The following UNC5D variants were observed in gnomAD, a reference collection of about 807,000 sequenced individuals.
The protein encoded by UNC5D is unc-5 netrin receptor D, also known as netrin receptor UNC5D.
A neutral mutation model predicts 105.4 loss-of-function variants in UNC5D; 39 were observed. That is an observed-to-expected ratio of 0.37 (90% confidence interval 0.29 to 0.48). The LOEUF (loss-of-function observed/expected upper bound fraction) is 0.48. Among genes scored for constraint, UNC5D ranks in the 20% least tolerant of loss-of-function variants. UNC5D has a pLI of 0.98. For missense variants in UNC5D, 991 were observed against 1,202.4 expected, an observed-to-expected ratio of 0.82 and a Z score of 2.60; for synonymous variants, 452 against 450.4, an observed-to-expected ratio of 1.00 and a Z score of -0.04.
chr8:35,408,178 GATCT>G (rs1353578527), intron 1 of UNC5D, among the ~76,000 whole-genome samples: 3 of 151,978 alleles, frequency 2.0e-5, no homozygotes, highest in Non-Finnish European at 4.4e-5. Context: ...AATGCAATAA[GATCT>G]ATTTTAAACA....
chr8:35,252,469 T>C (rs1178682658), intron 1 of UNC5D, among the ~76,000 whole-genome samples: 1 of 152,160 alleles, frequency 6.6e-6, no homozygotes, highest in Non-Finnish European at 1.5e-5. Context: ...CTCCTAAACA[T>C]AGGTTACTTT....
At chr8:35,641,366 C>CAAAAAAAAAAAAAAAAAAAGAAAAAA (rs1198851612) in intron 4 of UNC5D, among the ~76,000 whole-genome samples, 3 of 44,286 alleles carry the variant, frequency 6.8e-5, no homozygotes, top group Non-Finnish European at 1.3e-4. Context: ...AAAAATAAAG[C>CAAAAAAAAAAAAAAAAAAAGAAAAAA]AAAAAAAAAA....
At chr8:35,670,028 G>C (rs1054760021) in intron 4 of UNC5D, among the ~76,000 whole-genome samples, 2 of 152,120 alleles carry the variant, frequency 1.3e-5, no homozygotes, top group Non-Finnish European at 2.9e-5. Context: ...GCAGTAAGAC[G>C]TGGAACAGGG....
At chr8:35,348,840 T>C (rs1486549938) in intron 1 of UNC5D, among the ~76,000 whole-genome samples, 1 of 151,896 alleles carries the variant, frequency 6.6e-6, no homozygotes, top group Non-Finnish European at 1.5e-5. Flanking sequence ...CTTTAGAGTC[T>C]TAAAAATTAT....
intron 1 of UNC5D, among the ~76,000 whole-genome samples, chr8:35,337,833 T>G (rs1811163535): frequency 6.6e-6 from 1 of 152,232 alleles, no homozygotes; most frequent in Admixed American, 6.5e-5. Flanking sequence ...GTAATCATAT[T>G]TTTAGTTATT....
Position 35,271,688 on chromosome 8 carries a change from CATGTATA to C in UNC5D, c.103+35802_103+35808del, listed in dbSNP as rs1563268040. On this transcript the variant is annotated intron_variant, in intron 1 of 16. Coordinates refer to ENST00000404895, the MANE Select transcript of UNC5D (RefSeq NM_080872.4). ...ATACAGGTATACATATATATGTATACATGTATACATGTATACATATATATTTATACAT... is the reference window on the plus strand; with the variant it reads ...ATACAGGTATACATATATATGTATACCATGTATACATATATATTTATACAT... Among the ~76,000 whole-genome samples the C allele has an allele frequency of 6.3e-3, 59 of 9,388 alleles. 1 individual carries two copies. The highest frequency in any genetic ancestry group is 9.4e-3 in the African/African-American group (56 of 5,928). 6.2% of individuals were successfully genotyped at this position (9,388 alleles called of 152,430 possible).
intron 1 of UNC5D, among the ~76,000 whole-genome samples, chr8:35,449,583 G>A (rs376582850): frequency 2.6e-5 from 4 of 152,074 alleles, no homozygotes; most frequent in African/African-American, 4.8e-5. Context: ...GGTTCTTGCC[G>A]CCATGGAGCT....
intron 1 of UNC5D, among the ~76,000 whole-genome samples, chr8:35,308,283 A>C (rs12114466): frequency 0.021 from 3,262 of 152,082 alleles, 126 homozygotes; most frequent in African/African-American, 0.076. Context: ...GGTGTGACCA[A>C]ATTCTCATGG....
intron 2 of UNC5D, among the ~76,000 whole-genome samples, chr8:35,566,601 C>A (rs889055726): frequency 6.6e-6 from 1 of 152,214 alleles, no homozygotes; most frequent in African/African-American, 2.4e-5. Flanking sequence ...ACACCAGGCT[C>A]ACACACCAGA....
intron 1 of UNC5D, among the ~76,000 whole-genome samples, chr8:35,330,818 G>T (rs894734592): frequency 6.6e-6 from 1 of 152,120 alleles, no homozygotes. Flanking sequence ...TTTGGCTTTC[G>T]AGTGTATTCT....
intron 4 of UNC5D, among the ~76,000 whole-genome samples, chr8:35,639,296 G>C (rs1221766877): frequency 1.3e-5 from 2 of 152,182 alleles, no homozygotes; most frequent in Non-Finnish European, 2.9e-5. Flanking sequence ...CAGGTTGCCT[G>C]ATTTATTTGC....
intron 1 of UNC5D, among the ~76,000 whole-genome samples, chr8:35,449,244 G>A (rs751455798): frequency 2.0e-5 from 3 of 152,190 alleles, no homozygotes; most frequent in Non-Finnish European, 2.9e-5. Flanking sequence ...CTAGGTTGGT[G>A]CCTACTGAGT....
At chr8:35,307,224 G>A (rs1004547682) in intron 1 of UNC5D, among the ~76,000 whole-genome samples, 2 of 152,190 alleles carry the variant, frequency 1.3e-5, no homozygotes, top group Non-Finnish European at 2.9e-5. Flanking sequence ...ATGGGCCGCA[G>A]GTTGGACCAG....
At chr8:35,270,008 T>C (rs1430900065) in intron 1 of UNC5D, among the ~76,000 whole-genome samples, 3 of 152,180 alleles carry the variant, frequency 2.0e-5, no homozygotes. Context: ...TGGAGTAGGA[T>C]GGGAGAAGGT....
At chr8:35,760,718 C>G (rs1223604509) in intron 14 of UNC5D, among the ~76,000 whole-genome samples, 1 of 152,102 alleles carries the variant, frequency 6.6e-6, no homozygotes, top group Admixed American at 6.5e-5. Flanking sequence ...TTTGTTTTAC[C>G]CATCAGCATA....
chr8:35,246,231 A>AT (rs1361766864), intron 1 of UNC5D, among the ~76,000 whole-genome samples: 5 of 152,064 alleles, frequency 3.3e-5, no homozygotes, highest in South Asian at 4.2e-4. Flanking sequence ...TATTCACATT[A>AT]TTTTTTTATC....
intron 1 of UNC5D, among the ~76,000 whole-genome samples, chr8:35,425,193 AAAAG>A (rs1806162831): frequency 6.6e-6 from 1 of 152,238 alleles, no homozygotes; most frequent in African/African-American, 2.4e-5. Context: ...AATAAAAATA[AAAAG>A]AAAAAAGAAA....
intron 4 of UNC5D, among the ~76,000 whole-genome samples, chr8:35,600,240 G>T (rs1161257069): frequency 6.6e-6 from 1 of 152,094 alleles, no homozygotes; most frequent in Non-Finnish European, 1.5e-5. Flanking sequence ...CTTTGCTATT[G>T]TGAATAGTGC....
chr8:35,498,699 C>A (rs949225071), intron 1 of UNC5D, among the ~76,000 whole-genome samples: 1 of 152,032 alleles, frequency 6.6e-6, no homozygotes, highest in African/African-American at 2.4e-5. Context: ...GGCTGAATTT[C>A]GTCATCAGGC....
Sources: gnomAD v4.1 joint callset for allele counts (sites outside exome capture counted in the v4.1 genomes callset) on GRCh38, gnomAD v4.1.1 for gene constraint, MANE v1.5 for transcripts, NCBI Gene and HGNC (gene_info 2026-07-23, HGNC 2026-07-21) for gene names.